The following DLGAP4 variants were observed in gnomAD, a reference collection of about 807,000 sequenced individuals.
DLGAP4 encodes disks large-associated protein 4.
A neutral mutation model predicts 86.9 loss-of-function variants in DLGAP4; 18 were observed. The ratio of observed to expected loss-of-function variants is 0.21; its 90% confidence interval spans 0.14 to 0.31. DLGAP4 has a LOEUF of 0.31. Ranked by LOEUF, DLGAP4 falls within the 10% of genes least tolerant of loss-of-function variation. The probability of loss-of-function intolerance (pLI) is 1.00; values close to 1 mark genes in which losing one functional copy is unlikely to be tolerated. For missense variants in DLGAP4, 1,085 were observed against 1,362.6 expected (o/e 0.80, Z 3.21); for synonymous variants, 548 against 574.3 (o/e 0.95, Z 0.65).
At chr20:36,319,259 C>A (rs1555890294) in intron 1 of DLGAP4, among the ~76,000 whole-genome samples, 1 of 152,156 alleles carries the variant, frequency 6.6e-6, no homozygotes, top group East Asian at 1.9e-4. Flanking sequence ...CCACTCTGCT[C>A]ACTGGCTATG....
intron 2 of DLGAP4, among the ~76,000 whole-genome samples, chr20:36,382,674 TGTGTG>T (rs2031447513): frequency 4.0e-5 from 6 of 151,306 alleles, no homozygotes; most frequent in African/African-American, 1.5e-4. Context: ...GGACTACAGG[TGTGTG>T]CCACCACACC....
At chr20:36,483,993 G>T (rs1031763538) in intron 7 of DLGAP4, among the ~76,000 whole-genome samples, 20 of 152,358 alleles carry the variant, frequency 1.3e-4, no homozygotes, top group Admixed American at 1.2e-3. Flanking sequence ...GGCTCTGGCA[G>T]GTGGCACCTA....
intron 2 of DLGAP4, among the ~76,000 whole-genome samples, chr20:36,403,813 A>C (rs898918073): frequency 2.0e-5 from 3 of 152,240 alleles, no homozygotes; most frequent in Non-Finnish European, 2.9e-5. Context: ...CTAGGGCTGC[A>C]GCCATCTGAA....
In DLGAP4 at chr20:36,360,032, G is replaced by T. The variant is rs76639265; in HGVS notation, c.-303-7013G>T. Among the ~76,000 whole-genome samples, 4 of 152,270 alleles carry T rather than the reference G, an allele frequency of 2.6e-5. No homozygotes were observed. The East Asian group carries it at 7.7e-4, about 29-fold the overall frequency. On this transcript the variant is annotated intron_variant, in intron 1 of 12. Transcript: ENST00000339266. ...ACTCCATTGTCTACTAGCTGATTAG[G>T]GGATCATAATACGAATACAAGGAGT...
At chr20:36,320,618 T>A (rs2065158624) in intron 1 of DLGAP4, among the ~76,000 whole-genome samples, 1 of 152,260 alleles carries the variant, frequency 6.6e-6, no homozygotes, top group Middle Eastern at 3.4e-3. Context: ...AGATTCTGCA[T>A]CCACTGTACT....
chr20:36,428,323 C>T (rs1302153858), intron 2 of DLGAP4, among the ~76,000 whole-genome samples: 1 of 152,154 alleles, frequency 6.6e-6, no homozygotes, highest in Non-Finnish European at 1.5e-5. Flanking sequence ...GCTCTGTGGC[C>T]CAGTGGCTAC....
chr20:36,521,240 C>G (rs528543722), intron 10 of DLGAP4, among the ~76,000 whole-genome samples: 1 of 152,328 alleles, frequency 6.6e-6, no homozygotes, highest in African/African-American at 2.4e-5. Context: ...GGATTACAGG[C>G]GTGAGCCTCC....
intron 2 of DLGAP4, among the ~76,000 whole-genome samples, chr20:36,410,269 T>G (rs2032461044): frequency 6.6e-6 from 1 of 152,096 alleles, no homozygotes; most frequent in Non-Finnish European, 1.5e-5. Flanking sequence ...CCTGCATTTC[T>G]CCAGCTGAGG....
chr20:36,482,564 C>T (rs185624940), intron 7 of DLGAP4, among the ~76,000 whole-genome samples: 53 of 152,306 alleles, frequency 3.5e-4, no homozygotes, highest in Admixed American at 2.8e-3. Flanking sequence ...CCAGACCAAG[C>T]GGGCTGCACA....
At chr20:36,443,630 C>A (rs953879036) in intron 6 of DLGAP4, among the ~76,000 whole-genome samples, 4 of 152,122 alleles carry the variant, frequency 2.6e-5, no homozygotes, top group South Asian at 2.1e-4. Flanking sequence ...CCTCATCCAC[C>A]TTTAATAGGC....
chr20:36,506,136 T>C (rs745720038), intron 10 of DLGAP4, among the ~76,000 whole-genome samples: 1 of 152,226 alleles, frequency 6.6e-6, no homozygotes, highest in Non-Finnish European at 1.5e-5. Flanking sequence ...TTCAGGTGCT[T>C]ACTAACGACA....
At chr20:36,442,920 G>A (rs749843033) in intron 6 of DLGAP4, 143 bp downstream of exon 6, 81 of 1,031,668 alleles carry the variant, frequency 7.9e-5, no homozygotes, top group Non-Finnish European at 1.2e-4. Context: ...AGTGGATGGA[G>A]TTGAGGGTCA....
At chr20:36,463,688 C>T (rs892829823) in intron 7 of DLGAP4, among the ~76,000 whole-genome samples, 6 of 152,146 alleles carry the variant, frequency 3.9e-5, no homozygotes, top group Non-Finnish European at 8.8e-5. Flanking sequence ...AAGGGTGGGC[C>T]CTGCTTGGAC....
intron 10 of DLGAP4, among the ~76,000 whole-genome samples, chr20:36,507,218 TTTTTG>T (rs529394477): frequency 2.6e-5 from 4 of 151,872 alleles, no homozygotes; most frequent in African/African-American, 9.7e-5. Context: ...AGTTGTTTTT[TTTTTG>T]TTTTGTTTTG....
At chr20:36,389,925 G>T (rs1384034886) in intron 2 of DLGAP4, among the ~76,000 whole-genome samples, 2 of 152,322 alleles carry the variant, frequency 1.3e-5, no homozygotes, top group East Asian at 3.9e-4. Flanking sequence ...GTCCCCAAAG[G>T]CTCTGGGGTT....
At chr20:36,404,933 G>T (rs2032271683) in intron 2 of DLGAP4, among the ~76,000 whole-genome samples, 1 of 152,230 alleles carries the variant, frequency 6.6e-6, no homozygotes. Context: ...CTGCGGTCGA[G>T]GGGGTAGTTG....
At chr20:36,517,982 T>C (rs1042307942) in intron 10 of DLGAP4, among the ~76,000 whole-genome samples, 1 of 152,190 alleles carries the variant, frequency 6.6e-6, no homozygotes, top group Non-Finnish European at 1.5e-5. Context: ...TCCTGCACTT[T>C]GGGAGGCCAA....
intron 7 of DLGAP4, among the ~76,000 whole-genome samples, chr20:36,467,017 CCTCTCTCTCTCTCTCTCTCT>C (rs55778929): frequency 1.0e-3 from 52 of 50,360 alleles, no homozygotes; most frequent in East Asian, 9.0e-3. Context: ...CTCTCTCTCT[CCTCTCTCTCTCTCTCTCTCT>C]CTCTCTCTCT....
At chr20:36,357,507 G>A (rs782611144) in intron 1 of DLGAP4, among the ~76,000 whole-genome samples, 1 of 152,222 alleles carries the variant, frequency 6.6e-6, no homozygotes, top group African/African-American at 2.4e-5. Context: ...TCCAAAGAAG[G>A]TTTGAACAAG....
Sources: gnomAD v4.1 joint callset for allele counts (sites outside exome capture counted in the v4.1 genomes callset) on GRCh38, gnomAD v4.1.1 for gene constraint, MANE v1.5 for transcripts, NCBI Gene and HGNC (gene_info 2026-07-23, HGNC 2026-07-21) for gene names.